Variants in MROH9 observed in about 807,000 individuals in gnomAD.
MROH9 encodes maestro heat-like repeat-containing protein family member 9.
A neutral mutation model predicts 98.2 loss-of-function variants in MROH9; 92 were observed. That is an observed-to-expected ratio of 0.94 (90% confidence interval 0.79 to 1.11). MROH9 has a LOEUF of 1.11. Among genes scored for constraint, MROH9 ranks in the 50% most tolerant of loss-of-function variants. The pLI is 0.00. For synonymous variants in MROH9, 397 were observed against 368.9 expected (o/e 1.08, Z -0.87); for missense variants, 1,057 against 1,014.8 (o/e 1.04, Z -0.57).
In MROH9 at chr1:171,055,751, C is replaced by T. The variant is rs1397788851; in HGVS notation, c.2282-6381C>T. On this transcript the variant is annotated intron_variant, in intron 20 of 21. Transcript: ENST00000367759. ...AACTAGAAACGGTGGCAGTCGGAGG[C>T]TTCCATTGAAAAGAACCATAATAAG... Among the ~76,000 whole-genome samples, 4 of 151,858 alleles carry T rather than the reference C, an allele frequency of 2.6e-5. No homozygotes were observed. In the South Asian group the frequency reaches 6.2e-4, roughly 24 times the overall value.
chr1:171,055,624 A>AC (rs1200113762), intron 20 of MROH9, among the ~76,000 whole-genome samples: 15 of 149,212 alleles, frequency 1.0e-4, no homozygotes, highest in Admixed American at 3.3e-4. Flanking sequence ...TTCATAAAAA[A>AC]AAAAAAAAAA....
intron 14 of MROH9, among the ~76,000 whole-genome samples, chr1:170,997,171 G>C (rs746723878): frequency 1.4e-4 from 21 of 152,048 alleles, no homozygotes; most frequent in Admixed American, 1.2e-3. Context: ...ATCAAAATAC[G>C]GGCTGTTGAC....
chr1:170,974,720 G>C (rs1278947425), intron 8 of MROH9, among the ~76,000 whole-genome samples: 2 of 151,934 alleles, frequency 1.3e-5, no homozygotes, highest in African/African-American at 4.8e-5. Context: ...TCTACAAAAA[G>C]GAATGAAGAG....
At chr1:171,025,595 A>T (rs1652682025) in intron 20 of MROH9, among the ~76,000 whole-genome samples, 175 bp downstream of exon 20, 1 of 152,206 alleles carries the variant, frequency 6.6e-6, no homozygotes, top group African/African-American at 2.4e-5. Flanking sequence ...ATTTTATAAT[A>T]CACAGAGAAT....
At chr1:170,969,723 A>G (rs1005878677) in intron 7 of MROH9, among the ~76,000 whole-genome samples, 1 of 152,188 alleles carries the variant, frequency 6.6e-6, no homozygotes, top group African/African-American at 2.4e-5. Context: ...GGCACAGTTA[A>G]AAGGGCCAGA....
chr1:170,958,522 T>C lies in MROH9; in HGVS notation c.134T>C (p.Ile45Thr). Reference protein sequence around the residue: ...YSGLLSNESMILAVNSSFVDP... With the variant: ...YSGLLSNESMTLAVNSSFVDP... ...GGCCTGTTAAGTAATGAATCCATGA[T>C]CCTGGCTGTGAACTCCAGGTATGAT... is the stretch of plus-strand genomic sequence containing the variant. The change falls in exon 4 of 22, where the codon ATC (isoleucine) becomes ACC (threonine). Residue 45 changes from isoleucine to threonine, a missense_variant. By Grantham distance (89) the Ile-to-Thr change is moderately conservative. Transcript: ENST00000367759. 1 of 1,591,984 alleles carries C rather than the reference T, an allele frequency of 6.3e-7. No individual in the cohort carries two copies. Among genetic ancestry groups the C allele is most frequent in the Non-Finnish European group, 8.6e-7 (1 of 1,163,814 alleles).
At chr1:170,939,180 C>G (rs752824121) in intron 1 of MROH9, among the ~76,000 whole-genome samples, 3 of 152,226 alleles carry the variant, frequency 2.0e-5, no homozygotes, top group Non-Finnish European at 4.4e-5. Context: ...CCTCAAATTT[C>G]TTCATCAATT....
intron 3 of MROH9, among the ~76,000 whole-genome samples, chr1:170,958,157 A>G (rs1649852013): frequency 6.6e-6 from 1 of 151,124 alleles, no homozygotes; most frequent in Non-Finnish European, 1.5e-5. Context: ...ATGGGACTTA[A>G]TAGTTATAGT....
At position 170,995,502 on chromosome 1, in the gene MROH9, G is replaced by A. The variant is rs1557890094; in HGVS notation, c.1308G>A (p.Glu436=). The A allele has an allele frequency of 6.2e-7, 1 of 1,613,328 alleles. No individual in the cohort carries two copies. Among genetic ancestry groups the A allele is most frequent in the Non-Finnish European group, 8.5e-7 (1 of 1,179,522 alleles). Residue 436 remains glutamate, a synonymous_variant, in exon 13 of 22, where the codon GAG becomes GAA. Transcript: ENST00000367759. ...TGTTCCAAGTCTTCTACAACAGTGA[G>A]CTGAAACCGATACTCAAGGACAGGG... is the stretch of plus-strand genomic sequence containing the variant. The part of the protein sequence containing the change: ...TLMFQVFYNS[E]LKPILKDRAL...
At chr1:171,059,189 A>G (rs1015677153) in intron 20 of MROH9, among the ~76,000 whole-genome samples, 101 of 152,294 alleles carry the variant, frequency 6.6e-4, no homozygotes, top group African/African-American at 2.4e-3. Flanking sequence ...GGAAGAAAGA[A>G]TATCAGAGTC....
chr1:171,029,929 C>A (rs903801744), intron 20 of MROH9, among the ~76,000 whole-genome samples: 2 of 152,018 alleles, frequency 1.3e-5, no homozygotes, highest in Non-Finnish European at 2.9e-5. Context: ...TGTTCCTGGG[C>A]TTTTTTTGGT....
intron 9 of MROH9, among the ~76,000 whole-genome samples, chr1:170,986,328 A>G (rs1284265685): frequency 1.3e-5 from 2 of 152,204 alleles, no homozygotes; most frequent in Non-Finnish European, 2.9e-5. Flanking sequence ...AATCAGAAGA[A>G]AAAAATTAAA....
chr1:171,015,760 C>T (rs554837496), intron 16 of MROH9, among the ~76,000 whole-genome samples: 1 of 152,190 alleles, frequency 6.6e-6, no homozygotes, highest in South Asian at 2.1e-4. Context: ...GTGTAAAGAT[C>T]CTTATGATGG....
chr1:170,936,268 G>A (rs1287209601), intron 1 of MROH9, among the ~76,000 whole-genome samples: 2 of 152,124 alleles, frequency 1.3e-5, no homozygotes, highest in African/African-American at 4.8e-5. Flanking sequence ...GAGATCCAAT[G>A]GTGCAGTTTG....
In MROH9 at chr1:170,983,620, CGTTA is replaced by C. The variant is rs1291964227; in HGVS notation, c.729+89_729+92del. The C allele has an allele frequency of 1.8e-5, 14 of 797,018 alleles. No individual in the cohort carries two copies. In the African/African-American group the frequency reaches 2.3e-4, roughly 13 times the overall value. The allele number at this position is 797,018 out of a possible 1,614,324, so 49.4% of individuals were successfully genotyped here. Reference sequence around the variant, plus strand: ...CAATTTATTTCAACAAAGTTTATGTCGTTAGTATTTTTTCGTTTTTTTTTAAACT... The same window carrying C: ...CAATTTATTTCAACAAAGTTTATGTCGTATTTTTTCGTTTTTTTTTAAACT... On this transcript the variant is annotated intron_variant, in intron 9 of 21. Transcript: ENST00000367759.
chr1:171,046,258 T>C (rs1226848487), intron 20 of MROH9, among the ~76,000 whole-genome samples: 1 of 152,198 alleles, frequency 6.6e-6, no homozygotes, highest in Non-Finnish European at 1.5e-5. Context: ...TCAGCAAGTC[T>C]ATGTCTTTTG....
At chr1:170,968,173 G>C (rs1461220227) in intron 7 of MROH9, among the ~76,000 whole-genome samples, 1 of 152,100 alleles carries the variant, frequency 6.6e-6, no homozygotes. Flanking sequence ...TAGAGAGTGA[G>C]TTATGAAAGG....
In MROH9 at chr1:170,995,406, C is replaced by A; in HGVS notation, c.1212C>A (p.Cys404Ter). 1.2e-6 allele frequency: 2 copies of A among 1,613,368 alleles called. No individual in the cohort carries two copies. The highest frequency in any genetic ancestry group is 1.7e-6 in the Non-Finnish European group (2 of 1,179,508). Residue 404 changes from cysteine to a stop codon, truncating the protein, a stop_gained, in exon 13 of 22, where the codon TGC (cysteine) becomes TGA (stop). Transcript: ENST00000367759. LOFTEE classifies it high-confidence loss of function. ...CCTTATAGGCATGCCAGGCCCTGTGCACCTTTCTGCCTCTTGGTTCCTACA... is the reference window on the plus strand; with the variant it reads ...CCTTATAGGCATGCCAGGCCCTGTGAACCTTTCTGCCTCTTGGTTCCTACA... Reference protein sequence around the residue: ...LMPLAACQALCTFLPLGSYRK... With the variant: ...LMPLAACQAL
Position 170,996,645 on chromosome 1 carries a change from G to GT in MROH9, c.1475+2dup. ...ATCATGGAGTCTGCTTTATTGCTAA[G>GT]TAAGAACAGGGGTCTCTGTGTAGGA... On this transcript the variant is annotated splice_donor_variant, in intron 14 of 21. Transcript: ENST00000367759. LOFTEE classifies it high-confidence loss of function. The GT allele has an allele frequency of 6.2e-7, 1 of 1,613,208 alleles. No individual in the cohort carries two copies. Among genetic ancestry groups the GT allele is most frequent in the Non-Finnish European group, 8.5e-7 (1 of 1,179,414 alleles).
Sources: gnomAD v4.1 joint callset for allele counts (sites outside exome capture counted in the v4.1 genomes callset) on GRCh38, gnomAD v4.1.1 for gene constraint, MANE v1.5 for transcripts, NCBI Gene and HGNC (gene_info 2026-07-23, HGNC 2026-07-21) for gene names.